PSMB5: variants seen among roughly 807,000 people sequenced by gnomAD.
PSMB5 encodes the protein proteasome subunit beta type-5.
PSMB5 carries 2 observed loss-of-function variants against 22.8 expected under a neutral mutation model. The ratio of observed to expected loss-of-function variants is 0.09; its 90% CI spans 0.04 to 0.28. PSMB5 has a LOEUF of 0.28. Among genes scored for constraint, PSMB5 ranks in the 10% least tolerant of loss-of-function variants. The pLI is 1.00. For synonymous variants in PSMB5, 133 were observed against 135.3 expected (o/e 0.98, Z 0.12); for missense variants, 269 against 343.8 (o/e 0.78, Z 1.72).
intron 2 of PSMB5, among the ~76,000 whole-genome samples, chr14:23,029,955 G>A (rs1375438567): frequency 1.3e-5 from 2 of 151,952 alleles, no homozygotes; most frequent in Admixed American, 1.3e-4. Flanking sequence ...CTAATTTTTT[G>A]TATTTTTAGT....
Position 23,026,284 on chromosome 14 carries a change from A to G in PSMB5, c.597T>C (p.Asp199=). ...CTTCCAGGTCATAGGAATAGCCCCG[A>G]TCCATGACCCCATATGCATACACAG... is the stretch of plus-strand genomic sequence containing the variant. ...SGSVYAYGVM[D]RGYSYDLEVE... is the part of the protein sequence containing the mutation. The change falls in exon 3 of 3, where the codon GAT becomes GAC. Residue 199 remains aspartate, a synonymous_variant. Coordinates refer to ENST00000361611, the MANE Select transcript of PSMB5 (RefSeq NM_002797.5). The G allele has an allele frequency of 6.2e-7, 1 of 1,614,030 alleles. No homozygotes were observed. Among genetic ancestry groups the G allele is most frequent in the South Asian group, 1.1e-5 (1 of 91,086 alleles).
chr14:23,034,802 A>C lies in PSMB5; in HGVS notation c.80T>G (p.Leu27Arg), dbSNP rs1271791832. Residue 27 changes from leucine (L) to arginine (R), a missense_variant, in exon 1 of 3, where the codon CTG (leucine) becomes CGG (arginine). Around this residue, in one of 3 missense-constraint regions of PSMB5, gnomAD observed 81 missense variants for 70.4 expected, o/e 1.15. Transcript: ENST00000361611. The stretch of plus-strand genomic sequence containing the variant: ...GAGACTCCCTGGACCTAGATCCAGC[A>C]GATCTGCACGACCCCCAAGTCCGAA... The part of the protein sequence containing the change: ...GFFGLGGRAD[L>R]LDLGPGSLSD... 6.2e-7 allele frequency: 1 copy of C among 1,614,134 alleles called. No individual in the cohort carries two copies. The highest frequency in any genetic ancestry group is 8.5e-7 in the Non-Finnish European group (1 of 1,180,056).
At chr14:23,029,512 C>A (rs916357465) in intron 2 of PSMB5, among the ~76,000 whole-genome samples, 5 of 152,210 alleles carry the variant, frequency 3.3e-5, no homozygotes, top group African/African-American at 1.2e-4. Context: ...CCTCAAAACT[C>A]CTTCCGCATT....
intron 2 of PSMB5, among the ~76,000 whole-genome samples, chr14:23,026,662 C>G (rs1160869903): frequency 1.3e-5 from 2 of 151,230 alleles, no homozygotes; most frequent in Non-Finnish European, 2.9e-5. Flanking sequence ...GTTGGTCAGG[C>G]TGGTCTTGAA....
rs2046908851 is a variant in PSMB5 at position 23,025,935 on chromosome 14, G to C, written c.*154C>G. On this transcript the variant is annotated 3_prime_UTR_variant, in exon 3 of 3. Transcript: ENST00000361611. Reference sequence around the variant, plus strand: ...CTCTGCAGCAGCTCATTAATGACTGGTAACACATAGAGGTCAATGTGCCAG... The same window carrying C: ...CTCTGCAGCAGCTCATTAATGACTGCTAACACATAGAGGTCAATGTGCCAG... 1.4e-5 allele frequency: 21 copies of C among 1,474,240 alleles called. No individual in the cohort carries two copies. In the South Asian group the frequency reaches 3.0e-4, roughly 21 times the overall value. The allele number at this position is 1,474,240 out of a possible 1,614,324, so 91.3% of individuals were successfully genotyped here.
At position 23,032,611 on chromosome 14, in the gene PSMB5, T is replaced by G. The variant is rs189923036; in HGVS notation, c.505+757A>C. Among the ~76,000 whole-genome samples the G allele has an allele frequency of 3.3e-3, 495 of 152,084 alleles. 1 individual carries two copies. The highest frequency in any genetic ancestry group is 5.7e-3 in the Non-Finnish European group (388 of 67,952). Reference sequence around the variant, plus strand: ...TCAACGAATTCTTTTTTTTGTTTTTTTTTTTGAGACAGAGTCTCGCTCTGT... The same window carrying G: ...TCAACGAATTCTTTTTTTTGTTTTTGTTTTTGAGACAGAGTCTCGCTCTGT... On this transcript the variant is annotated intron_variant, in intron 2 of 2. Transcript: ENST00000361611.
intron 2 of PSMB5, chr14:23,027,751 A>C: frequency 6.5e-7 from 1 of 1,545,964 alleles, no homozygotes; most frequent in Non-Finnish European, 8.8e-7. Flanking sequence ...CTACCTTGCC[A>C]TGTTGCCGAT....
In PSMB5 at chr14:23,026,238, C is replaced by T. The variant is rs1186208210; in HGVS notation, c.643G>A (p.Ala215Thr). Residue 215 changes from alanine to threonine, a missense_variant, in exon 3 of 3, where the codon GCC (alanine) becomes ACC (threonine). Physicochemically the swap from Ala to Thr is moderately conservative, Grantham distance 58. Transcript: ENST00000361611. ...DLEVEQAYDL[A>T]RRAIYQATYR... The stretch of plus-strand genomic sequence containing the variant: ...GTGGCTTGGTAGATGGCTCGACGGG[C>T]CAGATCATAGGCCTGCTCCACTTCC... 1 of 1,613,906 alleles carries T rather than the reference C, an allele frequency of 6.2e-7. No individual in the cohort carries two copies. Among genetic ancestry groups the T allele is most frequent in the East Asian group, 2.2e-5 (1 of 44,870 alleles).
rs60067251 is a variant in PSMB5, at chr14:23,034,454, T to A, written c.198+230A>T. On this transcript the variant is annotated intron_variant, in intron 1 of 2. Transcript: ENST00000361611. ...CGCCTAGGAATCAACCCAAGAGGCC[T>A]CACCTTCCTCCCCCGACTTACCCCC... The A allele has an allele frequency of 2.0e-3, 1,099 of 553,272 alleles. 3 individuals carry two copies. The highest frequency in any genetic ancestry group is 0.01 in the Middle Eastern group (21 of 2,056). The allele number at this position is 553,272 out of a possible 1,614,324, so 34.3% of individuals were successfully genotyped here. A position where few individuals can be genotyped will look rare whatever the true frequency, so the allele number is the denominator to read the frequency against.
chr14:23,026,143 G>T lies in PSMB5; in HGVS notation c.738C>A (p.Val246=), dbSNP rs766617569. ...YHVREDGWIR[V]SSDNVADLHE... is the part of the protein sequence containing the mutation. The stretch of plus-strand genomic sequence containing the variant: ...GTAGATCAGCCACATTGTCACTGGA[G>T]ACTCGGATCCAGCCATCCTCCCGCA... Residue 246 remains valine (V), a synonymous_variant, in exon 3 of 3, where the codon GTC becomes GTA. Transcript: ENST00000361611. The T allele has an allele frequency of 1.2e-6, 2 of 1,614,046 alleles. No individual in the cohort carries two copies. The highest frequency in any genetic ancestry group is 2.7e-5 in the African/African-American group (2 of 74,912).
chr14:23,027,924 A>C, intron 2 of PSMB5: 1 of 791,344 alleles, frequency 1.3e-6, no homozygotes, highest in Non-Finnish European at 2.0e-6. Context: ...CAGGTGGGTC[A>C]CCTGAGGTCA....
At chr14:23,032,668 G>A (rs981188287) in intron 2 of PSMB5, among the ~76,000 whole-genome samples, 7 of 140,750 alleles carry the variant, frequency 5.0e-5, no homozygotes, top group South Asian at 4.6e-4. Flanking sequence ...GCACCATCTC[G>A]ACTCACTGCA....
Position 23,025,961 on chromosome 14 carries a change from A to T in PSMB5, c.*128T>A. ...TAACACATAGAGGTCAATGTGCCAG[A>T]GCTTAAAAAAAAGTACTGATACAAT... On this transcript the variant is annotated 3_prime_UTR_variant, in exon 3 of 3. Transcript: ENST00000361611. The T allele has an allele frequency of 6.6e-7, 1 of 1,513,712 alleles. No homozygotes were observed. Among genetic ancestry groups the T allele is most frequent in the Non-Finnish European group, 8.8e-7 (1 of 1,134,478 alleles). The allele number at this position is 1,513,712 out of a possible 1,614,324, so 93.8% of individuals were successfully genotyped here. A position where few individuals can be genotyped will look rare whatever the true frequency, so the allele number is the denominator to read the frequency against.
chr14:23,029,766 A>C (rs1162501454), intron 2 of PSMB5, among the ~76,000 whole-genome samples: 1 of 150,292 alleles, frequency 6.7e-6, no homozygotes, highest in Non-Finnish European at 1.5e-5. Flanking sequence ...GGCATGTGCC[A>C]CCACAGCCGG....
chr14:23,033,528 T>C lies in PSMB5; in HGVS notation c.345A>G (p.Glu115=), dbSNP rs2046969059. ...AGGAADCSFW[E]RLLARQCRIY... ...TTCGACATTGCCGAGCCAACAGCCG[T>C]TCCCAGAAGCTGCAATCCGCTGCGC... Residue 115 remains glutamate (E), a synonymous_variant, in exon 2 of 3, where the codon GAA becomes GAG. Coordinates refer to ENST00000361611, the MANE Select transcript of PSMB5 (RefSeq NM_002797.5). 10 of 1,614,118 alleles carry C rather than the reference T, an allele frequency of 6.2e-6. No individual in the cohort carries two copies. Among genetic ancestry groups the C allele is most frequent in the East Asian group, 4.5e-5 (2 of 44,866 alleles).
intron 2 of PSMB5, among the ~76,000 whole-genome samples, chr14:23,032,916 C>CT (rs531757676): frequency 6.2e-5 from 8 of 129,872 alleles, no homozygotes; most frequent in Admixed American, 1.5e-4. Context: ...TTCTTAAATT[C>CT]TTTTTTTTGA....
intron 2 of PSMB5, among the ~76,000 whole-genome samples, chr14:23,026,707 C>A (rs1403172039): frequency 6.6e-6 from 1 of 151,368 alleles, no homozygotes; most frequent in Non-Finnish European, 1.5e-5. Context: ...TTCTCGGACT[C>A]CCAAAGTGCT....
intron 2 of PSMB5, among the ~76,000 whole-genome samples, chr14:23,027,485 T>C (rs1345190607): frequency 6.7e-6 from 1 of 149,574 alleles, no homozygotes; most frequent in Non-Finnish European, 1.5e-5. Flanking sequence ...ATAGGACTTC[T>C]ATAAAATTAT....
chr14:23,027,119 A>G lies in PSMB5; in HGVS notation c.506-744T>C, dbSNP rs575530633. On this transcript the variant is annotated intron_variant, in intron 2 of 2. Transcript: ENST00000361611. Reference sequence around the variant, plus strand: ...ATAAATAGGCCAGGCGCGGTGGCTAACGCCTGTAATCCCAGCACTTTGGGA... The same window carrying G: ...ATAAATAGGCCAGGCGCGGTGGCTAGCGCCTGTAATCCCAGCACTTTGGGA... Among the ~76,000 whole-genome samples, 3 of 151,496 alleles carry G rather than the reference A, an allele frequency of 2.0e-5. No individual in the cohort carries two copies. The South Asian group carries it at 6.3e-4, about 32-fold the overall frequency.
Sources: allele counts gnomAD v4.1 joint callset (sites outside exome capture counted in the v4.1 genomes callset), GRCh38; gene constraint gnomAD v4.1.1; regional missense constraint gnomAD v4.1.1; transcripts MANE v1.5; gene names NCBI Gene and HGNC (gene_info 2026-07-23, HGNC 2026-07-21).